The following ABI1 variants were observed in gnomAD, a reference collection of about 807,000 sequenced individuals.
The protein encoded by ABI1 is Abelson interactor 1.
ABI1 carries 14 observed loss-of-function variants against 54.6 expected under a neutral mutation model. That is an observed-to-expected ratio of 0.26 (90% CI 0.17 to 0.40). The LOEUF (loss-of-function observed/expected upper bound fraction) is 0.40, where lower values mean the gene tolerates loss of function less well. Among genes scored for constraint, ABI1 ranks in the 10% least tolerant of loss-of-function variants. The probability of loss-of-function intolerance (pLI) is 1.00; values close to 1 mark genes in which losing one functional copy is unlikely to be tolerated. For synonymous variants in ABI1, 194 were observed against 209.3 expected (o/e 0.93, Z 0.63); for missense variants, 443 against 598.3 (o/e 0.74, Z 2.71).
At chr10:26,794,291 A>C (rs1378995228) in intron 2 of ABI1, among the ~76,000 whole-genome samples, 1 of 152,102 alleles carries the variant, frequency 6.6e-6, no homozygotes, top group African/African-American at 2.4e-5. Flanking sequence ...ATGGTGGCTC[A>C]CGCCTGTAGT....
chr10:26,817,979 A>G (rs745362136), intron 2 of ABI1, among the ~76,000 whole-genome samples: 7 of 151,018 alleles, frequency 4.6e-5, no homozygotes, highest in Admixed American at 2.0e-4. Context: ...AGCATGGTGA[A>G]ATCCCATCTC....
At chr10:26,851,403 C>T (rs921728983) in intron 1 of ABI1, among the ~76,000 whole-genome samples, 1 of 118,328 alleles carries the variant, frequency 8.5e-6, no homozygotes, top group African/African-American at 3.3e-5. Flanking sequence ...GTTACCCAAG[C>T]TGATCTCAAA....
chr10:26,798,461 G>A (rs1342151109), intron 2 of ABI1, among the ~76,000 whole-genome samples: 1 of 152,006 alleles, frequency 6.6e-6, no homozygotes, highest in East Asian at 1.9e-4. Context: ...CAAAAGTGCA[G>A]GTGGCCTCTA....
intron 10 of ABI1, 33 bp from the exon 11 acceptor site, chr10:26,748,778 T>C: frequency 6.7e-7 from 1 of 1,498,688 alleles, no homozygotes; most frequent in South Asian, 1.2e-5. Flanking sequence ...ATCACATGAG[T>C]GCACTATATC....
intron 2 of ABI1, among the ~76,000 whole-genome samples, chr10:26,777,698 G>C (rs910158876): frequency 6.6e-6 from 1 of 152,050 alleles, no homozygotes; most frequent in East Asian, 1.9e-4. Context: ...TGCTTCAACC[G>C]GGGAGGTCGA....
At chr10:26,830,341 G>A (rs561740409) in intron 1 of ABI1, among the ~76,000 whole-genome samples, 1 of 152,250 alleles carries the variant, frequency 6.6e-6, no homozygotes, top group Admixed American at 6.5e-5. Context: ...GAAACTACCA[G>A]TTGGGCATGG....
intron 3 of ABI1, among the ~76,000 whole-genome samples, chr10:26,774,575 G>T (rs945821644): frequency 1.3e-5 from 2 of 152,002 alleles, no homozygotes; most frequent in African/African-American, 4.8e-5. Context: ...AATCGAACCA[G>T]ATTTACTTTG....
chr10:26,765,342 GA>G, intron 6 of ABI1, 24 bp from the exon 7 acceptor site: 2 of 1,513,894 alleles, frequency 1.3e-6, no homozygotes, highest in South Asian at 1.2e-5. Flanking sequence ...AAAAAACTGT[GA>G]AAAACCAATT....
chr10:26,782,155 G>C (rs1426051711), intron 2 of ABI1, among the ~76,000 whole-genome samples: 1 of 152,150 alleles, frequency 6.6e-6, no homozygotes, highest in Non-Finnish European at 1.5e-5. Flanking sequence ...GCTGACTCCA[G>C]CCACAGTACC....
chr10:26,784,535 C>CTT (rs1842496344), intron 2 of ABI1, among the ~76,000 whole-genome samples: 5 of 141,788 alleles, frequency 3.5e-5, no homozygotes, highest in Non-Finnish European at 6.1e-5. Flanking sequence ...GTAGGTCCCA[C>CTT]ATAACTGGGG....
intron 2 of ABI1, among the ~76,000 whole-genome samples, chr10:26,816,250 G>C (rs2047557235): frequency 6.6e-6 from 1 of 152,174 alleles, no homozygotes; most frequent in Non-Finnish European, 1.5e-5. Flanking sequence ...GCTAGATAGA[G>C]GTGAAATTCG....
intron 1 of ABI1, among the ~76,000 whole-genome samples, chr10:26,856,215 G>T (rs1174963494): frequency 6.6e-6 from 1 of 150,696 alleles, no homozygotes; most frequent in Non-Finnish European, 1.5e-5. Context: ...GGAGGTTGCA[G>T]CGAGCTGAGA....
chr10:26,790,808 C>G (rs1309491002), intron 2 of ABI1, among the ~76,000 whole-genome samples: 1 of 152,106 alleles, frequency 6.6e-6, no homozygotes, highest in East Asian at 1.9e-4. Flanking sequence ...GTGACTCACA[C>G]CTATAATCCC....
intron 1 of ABI1, among the ~76,000 whole-genome samples, chr10:26,846,119 G>T (rs1331432485): frequency 6.6e-6 from 1 of 150,572 alleles, no homozygotes; most frequent in Non-Finnish European, 1.5e-5. Context: ...TCCAGTCTGG[G>T]CGACAGAGTG....
chr10:26,811,941 AG>A, intron 2 of ABI1, among the ~76,000 whole-genome samples: 1 of 152,318 alleles, frequency 6.6e-6, no homozygotes, highest in Middle Eastern at 3.4e-3. Flanking sequence ...AAGAGTGAGC[AG>A]GGACAGGCTC....
intron 7 of ABI1, among the ~76,000 whole-genome samples, chr10:26,759,582 A>G (rs963876821): frequency 6.6e-6 from 1 of 152,110 alleles, no homozygotes; most frequent in Non-Finnish European, 1.5e-5. Context: ...TGTCTTTCCA[A>G]TAAAATAAGT....
At chr10:26,791,068 CAAA>C (rs369738380) in intron 2 of ABI1, among the ~76,000 whole-genome samples, 1,092 of 59,150 alleles carry the variant, frequency 0.018, 7 homozygotes, top group African/African-American at 0.052. Flanking sequence ...GATTCCGTCT[CAAA>C]AAAAAAAAAA....
chr10:26,828,671 C>T (rs1407479028), intron 1 of ABI1, among the ~76,000 whole-genome samples: 1 of 151,918 alleles, frequency 6.6e-6, no homozygotes, highest in African/African-American at 2.4e-5. Flanking sequence ...CACAGTAATT[C>T]GAATGTACAT....
At chr10:26,757,940 C>T (rs897841388) in intron 8 of ABI1, among the ~76,000 whole-genome samples, 14 of 151,402 alleles carry the variant, frequency 9.2e-5, no homozygotes, top group African/African-American at 1.5e-4. Flanking sequence ...TAGTGGCAGG[C>T]GCCTGTAATC....
Sources: allele counts gnomAD v4.1 joint callset (sites outside exome capture counted in the v4.1 genomes callset), GRCh38; gene constraint gnomAD v4.1.1; transcripts MANE v1.5; gene names NCBI Gene and HGNC (gene_info 2026-07-23, HGNC 2026-07-21).